The following VRK2 variants were observed in gnomAD, a reference collection of about 807,000 sequenced individuals.
VRK2 encodes VRK serine/threonine kinase 2.
A neutral mutation model predicts 57.6 loss-of-function variants in VRK2; 60 were observed. The ratio of observed to expected loss-of-function variants is 1.04; its 90% CI spans 0.85 to 1.29. The LOEUF (loss-of-function observed/expected upper bound fraction) is 1.29, where lower values mean the gene tolerates loss of function less well. Among genes scored for constraint, VRK2 ranks in the 50% most tolerant of loss-of-function variants. The pLI is 0.00. For missense variants in VRK2, 705 were observed against 588.1 expected (o/e 1.20, Z -2.06); for synonymous variants, 231 against 199.2 (o/e 1.16, Z -1.35).
At chr2:57,913,403 TTCC>T (rs1244972010) in intron 1 of VRK2, among the ~76,000 whole-genome samples, 1 of 152,188 alleles carries the variant, frequency 6.6e-6, no homozygotes, top group Non-Finnish European at 1.5e-5. Flanking sequence ...TTCCAAATAT[TTCC>T]TCATCAAAAG....
intron 12 of VRK2, among the ~76,000 whole-genome samples, chr2:58,147,626 T>C (rs1320529543): frequency 1.3e-5 from 2 of 151,790 alleles, no homozygotes; most frequent in African/African-American, 4.8e-5. Flanking sequence ...TACGTATATA[T>C]AGATTTTATC....
At chr2:57,997,369 A>T (rs1672956661) in intron 1 of VRK2, among the ~76,000 whole-genome samples, 1 of 152,158 alleles carries the variant, frequency 6.6e-6, no homozygotes, top group African/African-American at 2.4e-5. Flanking sequence ...AGAAGGCCTA[A>T]GAATATCCTC....
At chr2:58,083,351 A>G (rs777269525) in intron 2 of VRK2, among the ~76,000 whole-genome samples, 2 of 151,888 alleles carry the variant, frequency 1.3e-5, no homozygotes, top group African/African-American at 2.4e-5. Flanking sequence ...TTTGAAAACA[A>G]TCTTTTAATA....
intron 9 of VRK2, 80 bp from the exon 10 acceptor site, chr2:58,135,061 C>A: frequency 1.3e-6 from 2 of 1,496,622 alleles, no homozygotes; most frequent in Non-Finnish European, 1.8e-6. Flanking sequence ...CCTACCAACA[C>A]ATAGAGTGTT....
intron 7 of VRK2, among the ~76,000 whole-genome samples, chr2:58,120,735 A>C (rs928371986): frequency 5.3e-5 from 8 of 152,222 alleles, no homozygotes. Flanking sequence ...CAAGTTTTCT[A>C]TCAGCCACCT....
intron 1 of VRK2, among the ~76,000 whole-genome samples, chr2:58,014,681 A>C (rs1402128547): frequency 6.6e-6 from 1 of 152,218 alleles, no homozygotes; most frequent in Non-Finnish European, 1.5e-5. Flanking sequence ...CTGGGAATTC[A>C]AAGATGAATA....
intron 1 of VRK2, among the ~76,000 whole-genome samples, chr2:57,975,320 T>C (rs1182304038): frequency 6.6e-6 from 1 of 151,960 alleles, no homozygotes; most frequent in African/African-American, 2.4e-5. Flanking sequence ...TGACAGTAAA[T>C]TTCTTAGAAG....
intron 7 of VRK2, among the ~76,000 whole-genome samples, chr2:58,106,148 T>A (rs764889307): frequency 6.6e-6 from 1 of 151,948 alleles, no homozygotes; most frequent in Non-Finnish European, 1.5e-5. Flanking sequence ...CTTGATTAGA[T>A]TGGAAATTGA....
chr2:58,025,318 C>T (rs1427367555), intron 1 of VRK2, among the ~76,000 whole-genome samples: 1 of 151,626 alleles, frequency 6.6e-6, no homozygotes, highest in Admixed American at 6.6e-5. Context: ...AGAACTGGGC[C>T]TGCCATATAC....
intron 1 of VRK2, among the ~76,000 whole-genome samples, chr2:57,922,080 G>C (rs1670368436): frequency 1.3e-5 from 2 of 151,938 alleles, no homozygotes; most frequent in African/African-American, 4.8e-5. Flanking sequence ...AACCCAATTA[G>C]CTCAAACTTT....
intron 1 of VRK2, among the ~76,000 whole-genome samples, chr2:58,010,169 G>A (rs767839303): frequency 6.6e-6 from 1 of 152,148 alleles, no homozygotes; most frequent in Non-Finnish European, 1.5e-5. Flanking sequence ...AAATCAGACT[G>A]TCTGGGTTCA....
chr2:58,137,199 T>TC lies in VRK2; in HGVS notation c.856+2000_856+2001insC, dbSNP rs370648083. Among the ~76,000 whole-genome samples the TC allele has an allele frequency of 6.0e-3, 362 of 59,988 alleles. 19 individuals are homozygous for TC. Among genetic ancestry groups the TC allele is most frequent in the African/African-American group, 0.023 (223 of 9,786 alleles). The allele number at this position is 59,988 out of a possible 152,430, so 39.4% of individuals were successfully genotyped here. A position where few individuals can be genotyped will look rare whatever the true frequency, so the allele number is the denominator to read the frequency against. Reference sequence around the variant, plus strand: ...ATATATATCATATATGATACATATATATCTCATATATGATACATATATATC... The same window carrying TC: ...ATATATATCATATATGATACATATATCATCTCATATATGATACATATATATC... On this transcript the variant is annotated intron_variant, in intron 10 of 12. Coordinates refer to ENST00000340157, the MANE Select transcript of VRK2 (RefSeq NM_006296.7).
chr2:58,073,674 A>G (rs1033634887), intron 2 of VRK2, among the ~76,000 whole-genome samples: 19 of 148,046 alleles, frequency 1.3e-4, no homozygotes, highest in Admixed American at 4.1e-4. Flanking sequence ...ATTTATATTT[A>G]TATTTATATA....
At chr2:58,008,278 T>A (rs1673315452) in intron 1 of VRK2, among the ~76,000 whole-genome samples, 1 of 152,016 alleles carries the variant, frequency 6.6e-6, no homozygotes, top group Non-Finnish European at 1.5e-5. Flanking sequence ...AATAAAAAAT[T>A]AGGAAATATT....
chr2:57,978,508 G>A (rs1265813608), intron 1 of VRK2, among the ~76,000 whole-genome samples: 2 of 151,018 alleles, frequency 1.3e-5, no homozygotes, highest in East Asian at 1.9e-4. Context: ...ATTAAGGCAA[G>A]CAGAACAATC....
intron 1 of VRK2, among the ~76,000 whole-genome samples, chr2:58,004,727 T>A (rs1339177323): frequency 6.6e-6 from 1 of 152,172 alleles, no homozygotes; most frequent in African/African-American, 2.4e-5. Flanking sequence ...CCCTTTCATA[T>A]ATGTGGTAAT....
intron 7 of VRK2, among the ~76,000 whole-genome samples, chr2:58,107,715 A>G (rs1246901845): frequency 6.6e-6 from 1 of 152,154 alleles, no homozygotes; most frequent in Non-Finnish European, 1.5e-5. Flanking sequence ...GTGAATCTTC[A>G]TTGTGGACAT....
intron 11 of VRK2, among the ~76,000 whole-genome samples, chr2:58,142,716 G>A (rs1159767044): frequency 1.3e-5 from 2 of 151,772 alleles, no homozygotes; most frequent in African/African-American, 4.8e-5. Context: ...AGAATTCCCA[G>A]ATAAGAATGT....
chr2:57,923,916 G>A (rs1670440573), intron 1 of VRK2, among the ~76,000 whole-genome samples: 1 of 151,844 alleles, frequency 6.6e-6, no homozygotes, highest in Non-Finnish European at 1.5e-5. Context: ...GAGAGATAGG[G>A]GTCTAGTTTC....
Sources: allele counts gnomAD v4.1 joint callset (sites outside exome capture counted in the v4.1 genomes callset), GRCh38; gene constraint gnomAD v4.1.1; transcripts MANE v1.5; gene names NCBI Gene and HGNC (gene_info 2026-07-23, HGNC 2026-07-21).